Variants in AFF3 observed in about 807,000 individuals in gnomAD.
The protein encoded by AFF3 is AF4/FMR2 family member 3.
A neutral mutation model predicts 129.7 loss-of-function variants in AFF3; 32 were observed. The observed-to-expected ratio is 0.25, with a 90% CI of 0.19 to 0.33. The LOEUF (loss-of-function observed/expected upper bound fraction) is 0.33. AFF3 is among the 10% of genes least tolerant of loss of function. The pLI is 1.00. For synonymous variants in AFF3, 644 were observed against 635.4 expected (o/e 1.01, Z -0.20); for missense variants, 1,373 against 1,592.0 (o/e 0.86, Z 2.34).
chr2:99,669,230 G>T (rs1247659338), intron 12 of AFF3, among the ~76,000 whole-genome samples: 1 of 152,140 alleles, frequency 6.6e-6, no homozygotes, highest in Non-Finnish European at 1.5e-5. Flanking sequence ...AGGATGAAAA[G>T]ACCTGTACAA....
chr2:100,079,281 T>A (rs771899023), intron 4 of AFF3, among the ~76,000 whole-genome samples: 2 of 152,220 alleles, frequency 1.3e-5, no homozygotes, highest in African/African-American at 2.4e-5. Context: ...TTTGGTTGAA[T>A]CCACAGATGT....
chr2:99,898,276 C>T (rs1694111834), intron 7 of AFF3, among the ~76,000 whole-genome samples: 1 of 152,214 alleles, frequency 6.6e-6, no homozygotes, highest in Non-Finnish European at 1.5e-5. Context: ...GGGCACCCAC[C>T]CCGTGTGCAG....
intron 13 of AFF3, among the ~76,000 whole-genome samples, chr2:99,609,242 AG>A (rs1296907415): frequency 6.6e-6 from 1 of 151,890 alleles, no homozygotes; most frequent in African/African-American, 2.4e-5. Flanking sequence ...TTATTTCCAT[AG>A]GTTTTTGGGG....
At chr2:99,819,510 CA>C (rs890290262) in intron 8 of AFF3, among the ~76,000 whole-genome samples, 3 of 152,188 alleles carry the variant, frequency 2.0e-5, no homozygotes, top group Non-Finnish European at 4.4e-5. Context: ...GTGTTTCCTT[CA>C]ATCTCAGATT....
intron 8 of AFF3, among the ~76,000 whole-genome samples, chr2:99,824,459 A>C (rs1457660852): frequency 6.6e-6 from 1 of 152,212 alleles, no homozygotes; most frequent in Admixed American, 6.5e-5. Flanking sequence ...CAGATCTCTA[A>C]TTGTTTGAAG....
intron 17 of AFF3, among the ~76,000 whole-genome samples, chr2:99,582,161 T>C (rs1677632194): frequency 6.6e-6 from 1 of 152,176 alleles, no homozygotes; most frequent in South Asian, 2.1e-4. Context: ...GGTCGGGGTC[T>C]TTTCATGATA....
chr2:99,840,906 C>G (rs969439960), intron 7 of AFF3, among the ~76,000 whole-genome samples: 1 of 152,212 alleles, frequency 6.6e-6, no homozygotes, highest in African/African-American at 2.4e-5. Flanking sequence ...GTCAAACCTA[C>G]AGAATATCAT....
chr2:99,743,830 C>G (rs1680919769), intron 10 of AFF3, among the ~76,000 whole-genome samples: 1 of 152,180 alleles, frequency 6.6e-6, no homozygotes, highest in Non-Finnish European at 1.5e-5. Flanking sequence ...ATACTAGGAA[C>G]AGCCATAATA....
chr2:100,057,663 C>T (rs911712140), intron 4 of AFF3, among the ~76,000 whole-genome samples: 1 of 152,188 alleles, frequency 6.6e-6, no homozygotes. Context: ...TCACCAATCT[C>T]TTGCTACTGG....
At position 99,669,957 on chromosome 2, in the gene AFF3, A is replaced by C. The variant is rs375567759; in HGVS notation, c.1143+2581T>G. On this transcript the variant is annotated intron_variant, in intron 12 of 24. Coordinates refer to ENST00000672756, the MANE Select transcript of AFF3 (RefSeq NM_001386135.1). ...AAGAGTGAAACTCCGTACACACACA[A>C]AATATGCCTATTGGATCTGGTGACA... Among the ~76,000 whole-genome samples, 29 of 152,320 alleles carry C rather than the reference A, an allele frequency of 1.9e-4. No individual in the cohort carries two copies. The South Asian group carries it at 6.0e-3, about 32-fold the overall frequency.
At chr2:99,746,606 AATGATTAT>A (rs1681178283) in intron 9 of AFF3, among the ~76,000 whole-genome samples, 1 of 152,228 alleles carries the variant, frequency 6.6e-6, no homozygotes, top group Non-Finnish European at 1.5e-5. Context: ...AGTTTTTGGA[AATGATTAT>A]ATGAAGATGA....
At chr2:100,012,296 C>T (rs1360881316) in intron 4 of AFF3, among the ~76,000 whole-genome samples, 2 of 152,184 alleles carry the variant, frequency 1.3e-5, no homozygotes, top group Non-Finnish European at 2.9e-5. Context: ...TGGTTTCTCT[C>T]CTCCTTCCTT....
At chr2:99,933,921 C>A (rs1270415814) in intron 7 of AFF3, among the ~76,000 whole-genome samples, 1 of 152,168 alleles carries the variant, frequency 6.6e-6, no homozygotes, top group Non-Finnish European at 1.5e-5. Context: ...AGCTTCAACT[C>A]CAGTGCCAAC....
At chr2:99,782,369 A>G (rs1044413022) in intron 8 of AFF3, among the ~76,000 whole-genome samples, 2 of 152,250 alleles carry the variant, frequency 1.3e-5, no homozygotes, top group African/African-American at 4.8e-5. Context: ...TAGAAGGAAC[A>G]GAACTCAAAA....
chr2:99,906,188 C>T (rs1464267824), intron 7 of AFF3, among the ~76,000 whole-genome samples: 2 of 152,210 alleles, frequency 1.3e-5, no homozygotes, highest in Non-Finnish European at 2.9e-5. Context: ...CCATAACTAC[C>T]TTTGACTGTT....
At chr2:100,095,550 T>C (rs1690214398) in intron 4 of AFF3, among the ~76,000 whole-genome samples, 1 of 152,198 alleles carries the variant, frequency 6.6e-6, no homozygotes, top group Non-Finnish European at 1.5e-5. Flanking sequence ...TGCCCTACTA[T>C]TCGTGAAAAT....
chr2:100,086,232 C>A (rs1255962285), intron 4 of AFF3, among the ~76,000 whole-genome samples: 1 of 152,206 alleles, frequency 6.6e-6, no homozygotes, highest in African/African-American at 2.4e-5. Context: ...CATAAGAATT[C>A]CCATATCTGG....
At chr2:99,877,657 T>C (rs1275730523) in intron 7 of AFF3, among the ~76,000 whole-genome samples, 1 of 152,206 alleles carries the variant, frequency 6.6e-6, no homozygotes, top group African/African-American at 2.4e-5. Flanking sequence ...AATGAAAAGA[T>C]TAAATGAAAA....
At chr2:99,905,469 T>C (rs1023098926) in intron 7 of AFF3, among the ~76,000 whole-genome samples, 3 of 152,200 alleles carry the variant, frequency 2.0e-5, no homozygotes, top group Non-Finnish European at 2.9e-5. Context: ...ATTAAGACTA[T>C]ATCATCAGCT....
Sources: gnomAD v4.1 joint callset for allele counts (sites outside exome capture counted in the v4.1 genomes callset) on GRCh38, gnomAD v4.1.1 for gene constraint, MANE v1.5 for transcripts, NCBI Gene and HGNC (gene_info 2026-07-23, HGNC 2026-07-21) for gene names.